The following SPOCK1 variants were observed in gnomAD, a reference collection of about 807,000 sequenced individuals.
SPOCK1 encodes the protein SPARC (osteonectin), cwcv and kazal like domains proteoglycan 1.
SPOCK1 carries 23 observed loss-of-function variants against 55.3 expected under a neutral mutation model. The ratio of observed to expected loss-of-function variants is 0.42; its 90% CI spans 0.30 to 0.59. The LOEUF (loss-of-function observed/expected upper bound fraction) is 0.59. Ranked by LOEUF, SPOCK1 falls within the 20% of genes least tolerant of loss-of-function variation. The probability of loss-of-function intolerance (pLI) is 0.22; values close to 1 mark genes in which losing one functional copy is unlikely to be tolerated. For missense variants in SPOCK1, 499 were observed against 552.5 expected, an observed-to-expected ratio of 0.90 and a Z score of 0.97; for synonymous variants, 226 against 221.0, an observed-to-expected ratio of 1.02 and a Z score of -0.20.
intron 5 of SPOCK1, among the ~76,000 whole-genome samples, chr5:137,109,473 C>T (rs1753427068): frequency 6.6e-6 from 1 of 152,164 alleles, no homozygotes; most frequent in Non-Finnish European, 1.5e-5. Flanking sequence ...GTTTTCTGAG[C>T]AGCCACTATC....
intron 3 of SPOCK1, among the ~76,000 whole-genome samples, chr5:137,162,131 C>CT (rs566233599): frequency 0.31 from 41,154 of 131,774 alleles, 7,011 homozygotes; most frequent in East Asian, 0.51. Flanking sequence ...CTAATGCTTT[C>CT]TTTTTTTTTT....
chr5:137,439,663 A>G (rs1322034556), intron 2 of SPOCK1, among the ~76,000 whole-genome samples: 2 of 152,138 alleles, frequency 1.3e-5, no homozygotes, highest in Non-Finnish European at 2.9e-5. Context: ...AGGCTGGGGT[A>G]CCTCATTTAA....
chr5:137,342,299 G>A (rs890293017), intron 2 of SPOCK1, among the ~76,000 whole-genome samples: 3 of 151,862 alleles, frequency 2.0e-5, no homozygotes, highest in Non-Finnish European at 2.9e-5. Context: ...CTCTTTCAAT[G>A]GAAGAAAATA....
rs1336182793 is a variant in SPOCK1, at chr5:137,313,517, A to T, written c.187-46462T>A. The T allele has an allele frequency of 2.9e-5, 29 of 984,872 alleles. No individual in the cohort carries two copies. In the Admixed American group the frequency reaches 1.1e-3, roughly 38 times the overall value. The allele number at this position is 984,872 out of a possible 1,614,324, so 61.0% of individuals were successfully genotyped here. A position where few individuals can be genotyped will look rare whatever the true frequency, so the allele number is the denominator to read the frequency against. On this transcript the variant is annotated intron_variant, in intron 2 of 10. Coordinates refer to ENST00000394945, the MANE Select transcript of SPOCK1 (RefSeq NM_004598.4). The stretch of plus-strand genomic sequence containing the variant: ...AAAACAAGGACACCAGCAGCCTCAG[A>T]AGGGATCCATAGGAGAGTCACAGGC...
At chr5:137,338,010 C>T (rs1320622403) in intron 2 of SPOCK1, among the ~76,000 whole-genome samples, 3 of 152,042 alleles carry the variant, frequency 2.0e-5, no homozygotes, top group African/African-American at 7.3e-5. Flanking sequence ...AGTGACACTC[C>T]TCTGTATTAT....
chr5:137,112,306 T>A, intron 5 of SPOCK1, 129 bp downstream of exon 5: 1 of 1,159,532 alleles, frequency 8.6e-7, no homozygotes, highest in Non-Finnish European at 1.2e-6. Flanking sequence ...AGTCTGCTAA[T>A]GCAGCAGCTT....
chr5:136,978,222 A>G lies in SPOCK1; in HGVS notation c.*432T>C. 3.1e-6 allele frequency: 1 copy of G among 317,540 alleles called. No individual in the cohort carries two copies. The highest frequency in any genetic ancestry group is 5.7e-6 in the Non-Finnish European group (1 of 175,640). The allele number at this position is 317,540 out of a possible 1,614,324, so 19.7% of individuals were successfully genotyped here. ...TGTTTTTTTCTTTTTCACAACATCT[A>G]CAGGACACAAGAGAAGCACTTAGAC... On this transcript the variant is annotated 3_prime_UTR_variant, in exon 11 of 11. Transcript: ENST00000394945.
At chr5:137,272,099 T>G (rs17781565) in intron 2 of SPOCK1, among the ~76,000 whole-genome samples, 70 of 152,216 alleles carry the variant, frequency 4.6e-4, no homozygotes, top group Non-Finnish European at 8.7e-4. Flanking sequence ...AGCACTTCCC[T>G]GCAAGGCTAA....
intron 3 of SPOCK1, among the ~76,000 whole-genome samples, chr5:137,192,680 C>A (rs1303966374): frequency 1.3e-5 from 2 of 152,280 alleles, no homozygotes; most frequent in East Asian, 1.9e-4. Flanking sequence ...TATCTATCAA[C>A]AGAAAGATGG....
intron 5 of SPOCK1, among the ~76,000 whole-genome samples, chr5:137,082,621 G>A (rs982398787): frequency 1.3e-5 from 2 of 152,210 alleles, no homozygotes; most frequent in East Asian, 3.8e-4. Context: ...AGATACAAGA[G>A]AAGCAGTTGG....
At chr5:137,266,901 A>G (rs981875066) in intron 3 of SPOCK1, 109 bp downstream of exon 3, 4 of 946,306 alleles carry the variant, frequency 4.2e-6, no homozygotes, top group Non-Finnish European at 6.6e-6. Flanking sequence ...AGTCAATAAA[A>G]TAACACCGCT....
At chr5:137,115,162 A>G (rs964760516) in intron 4 of SPOCK1, among the ~76,000 whole-genome samples, 1 of 152,212 alleles carries the variant, frequency 6.6e-6, no homozygotes, top group Non-Finnish European at 1.5e-5. Flanking sequence ...CGCTAAAGAT[A>G]TCCCTGTAGG....
chr5:137,409,031 G>T (rs1207869070), intron 2 of SPOCK1, among the ~76,000 whole-genome samples: 1 of 152,060 alleles, frequency 6.6e-6, no homozygotes. Context: ...ACACATTTTA[G>T]AGCACAGCCT....
chr5:137,389,330 C>A (rs1244781083), intron 2 of SPOCK1, among the ~76,000 whole-genome samples: 1 of 152,174 alleles, frequency 6.6e-6, no homozygotes, highest in African/African-American at 2.4e-5. Context: ...CTTTGTGGAT[C>A]CCAAATGTTT....
At chr5:137,107,885 T>C (rs533526560) in intron 5 of SPOCK1, among the ~76,000 whole-genome samples, 1 of 152,272 alleles carries the variant, frequency 6.6e-6, no homozygotes, top group African/African-American at 2.4e-5. Flanking sequence ...AAAAATGTGA[T>C]TATGTATTAT....
intron 2 of SPOCK1, among the ~76,000 whole-genome samples, chr5:137,273,701 C>A (rs1470286004): frequency 6.6e-6 from 1 of 152,190 alleles, no homozygotes; most frequent in Non-Finnish European, 1.5e-5. Context: ...CAACACTCAG[C>A]CATGATTACC....
chr5:137,420,591 G>GT (rs1475350060), intron 2 of SPOCK1, among the ~76,000 whole-genome samples: 1 of 152,068 alleles, frequency 6.6e-6, no homozygotes, highest in Admixed American at 6.6e-5. Flanking sequence ...GCGTAGAGGT[G>GT]TTATAGTATT....
At chr5:137,466,862 C>T (rs537808843) in intron 2 of SPOCK1, among the ~76,000 whole-genome samples, 4 of 152,302 alleles carry the variant, frequency 2.6e-5, no homozygotes, top group Non-Finnish European at 5.9e-5. Flanking sequence ...TTCTCTGGGT[C>T]GGGAATATGA....
intron 5 of SPOCK1, among the ~76,000 whole-genome samples, chr5:137,089,918 C>T (rs1193518003): frequency 2.0e-5 from 3 of 152,218 alleles, no homozygotes; most frequent in African/African-American, 4.8e-5. Context: ...TTCTGAAATA[C>T]ACCAGGAGAT....
Sources: gnomAD v4.1 joint callset for allele counts (sites outside exome capture counted in the v4.1 genomes callset) on GRCh38, gnomAD v4.1.1 for gene constraint, MANE v1.5 for transcripts, NCBI Gene and HGNC (gene_info 2026-07-23, HGNC 2026-07-21) for gene names.